CBARP: variants seen among roughly 807,000 people sequenced by gnomAD.
The protein encoded by CBARP is voltage-dependent calcium channel beta subunit-associated regulatory protein.
CBARP carries 24 observed loss-of-function variants against 36.3 expected under a neutral mutation model. The ratio of observed to expected loss-of-function variants is 0.66; its 90% CI spans 0.48 to 0.93. The LOEUF is 0.93. CBARP is among the 40% of genes least tolerant of loss of function. The pLI, the probability that CBARP is intolerant of heterozygous loss-of-function variation, is 0.00. For synonymous variants in CBARP, 586 were observed against 453.2 expected (o/e 1.29, Z -3.72); for missense variants, 1,146 against 980.4 (o/e 1.17, Z -2.26).
rs766845132 is a variant in CBARP, at chr19:1,234,824, C to T, written c.456-82G>A. The T allele has an allele frequency of 1.2e-5, 18 of 1,542,080 alleles. No homozygotes were observed. In the East Asian group the frequency reaches 1.4e-4, roughly 12 times the overall value. On this transcript the variant is annotated intron_variant, in intron 5 of 9. Transcript: ENST00000650044. ...TGCCGTGCTCTGCCATCCACCCTGC[C>T]GGCCTGGGCAGGGGCAGGCGAAAGG...
rs115525561 is a variant in CBARP, at chr19:1,230,387, C to T, written c.1155-245G>A. On this transcript the variant is annotated intron_variant, in intron 9 of 9. Coordinates refer to ENST00000650044, the MANE Select transcript of CBARP (RefSeq NM_001393918.1). ...CATGCTGGACTGCAGACGGCGGGGC[C>T]CCCTCCCTTGGAAGCCCCCAGGAAA... The T allele has an allele frequency of 3.5e-4, 346 of 987,484 alleles. 1 individual carries two copies. The African/African-American group carries it at 5.7e-3, about 16-fold the overall frequency. 61.2% of individuals were successfully genotyped at this position (987,484 alleles called of 1,614,324 possible).
Position 1,235,856 on chromosome 19 carries a change from C to T in CBARP, c.168G>A (p.Val56=). The change falls in exon 3 of 10, where the codon GTG becomes GTA. Residue 56 remains valine, a synonymous_variant. Transcript: ENST00000650044. ...CAGACAACACCACCAGCGTGCCCCC[C>T]ACGAACAGCGACATCACCACCACCA... The part of the protein sequence containing the change: ...VLLVVVMSLF[V]GGTLVVLSGV... 6.2e-7 allele frequency: 1 copy of T among 1,612,088 alleles called. No individual in the cohort carries two copies. Among genetic ancestry groups the T allele is most frequent in the Non-Finnish European group, 8.5e-7 (1 of 1,179,938 alleles).
Position 1,231,104 on chromosome 19 carries a change from C to T in CBARP, c.1151G>A (p.Gly384Asp). The T allele has an allele frequency of 1.3e-6, 2 of 1,597,940 alleles. No individual in the cohort carries two copies. Among genetic ancestry groups the T allele is most frequent in the South Asian group, 1.1e-5 (1 of 89,634 alleles). The change falls in exon 9 of 10, where the codon GGC becomes GAC. Residue 384 changes from glycine (G) to aspartate (D), a missense_variant. By Grantham distance (94) the Gly-to-Asp change is moderately conservative (BLOSUM62 -1). Transcript: ENST00000650044. ...ACCTCCATCTACTGAAAAATACCTG[C>T]CGAGAGCAGGGGGCGGGCTGGCCAG... ...PFLASPPPAL[G>D]RLEAAEAAGG...
chr19:1,235,879 C>T lies in CBARP; in HGVS notation c.145G>A (p.Val49Met), dbSNP rs79529846. ...CCCACGAACAGCGACATCACCACCA[C>T]CAGCAGCACGTAGTTGTCCAGGATG... Reference protein sequence around the residue: ...DPILDNYVLLVVVMSLFVGGT... With the variant: ...DPILDNYVLLMVVMSLFVGGT... The change falls in exon 3 of 10, where the codon GTG becomes ATG. Residue 49 changes from valine (V) to methionine (M), a missense_variant. By Grantham distance (21) the Val-to-Met change is conservative (BLOSUM62 1). Transcript: ENST00000650044. 120 of 1,612,274 alleles carry T rather than the reference C, an allele frequency of 7.4e-5. No individual in the cohort carries two copies. In the South Asian group the frequency reaches 1.2e-3, roughly 17 times the overall value.
At chr19:1,235,257 C>T (rs8109164) in intron 4 of CBARP, 112 bp from the exon 5 acceptor site, 23,870 of 1,219,022 alleles carry the variant, frequency 0.02, 910 homozygotes, top group East Asian at 0.13. Context: ...GGCCGCGGCA[C>T]GGGCGGCCGG....
intron 8 of CBARP, among the ~76,000 whole-genome samples, chr19:1,231,698 A>G (rs1185479008): frequency 1.3e-5 from 2 of 150,408 alleles, no homozygotes; most frequent in Non-Finnish European, 3.0e-5. Flanking sequence ...TCACACACAC[A>G]GGAGTGGGCC....
chr19:1,236,137 C>T lies in CBARP; in HGVS notation c.-21-16G>A, dbSNP rs1029370205. Reference sequence around the variant, plus strand: ...GAGGAGGGCCCTGTGGGGAGGAAGCCTGGTCAGCTCCAGCTAGACCTACTT... The same window carrying T: ...GAGGAGGGCCCTGTGGGGAGGAAGCTTGGTCAGCTCCAGCTAGACCTACTT... On this transcript the variant is annotated splice_polypyrimidine_tract_variant and intron_variant, in intron 1 of 9. Transcript: ENST00000650044. The T allele has an allele frequency of 7.1e-7, 1 of 1,407,968 alleles. No homozygotes were observed. Among genetic ancestry groups the T allele is most frequent in the South Asian group, 1.6e-5 (1 of 64,490 alleles). The allele number at this position is 1,407,968 out of a possible 1,614,324, so 87.2% of individuals were successfully genotyped here. A position where few individuals can be genotyped will look rare whatever the true frequency, so the allele number is the denominator to read the frequency against.
Position 1,231,091 on chromosome 19 carries a change from T to C in CBARP, c.1154+10A>G, listed in dbSNP as rs761359927. The C allele has an allele frequency of 6.3e-7, 1 of 1,592,698 alleles. No individual in the cohort carries two copies. Among genetic ancestry groups the C allele is most frequent in the East Asian group, 2.3e-5 (1 of 44,292 alleles). ...GTCCACCCCTAGCACCTCCATCTAC[T>C]GAAAAATACCTGCCGAGAGCAGGGG... On this transcript the variant is annotated intron_variant, in intron 9 of 9. Coordinates refer to ENST00000650044, the MANE Select transcript of CBARP (RefSeq NM_001393918.1).
At chr19:1,234,839 C>A (rs1299774847) in intron 5 of CBARP, 97 bp from the exon 6 acceptor site, 4 of 1,522,214 alleles carry the variant, frequency 2.6e-6, no homozygotes, top group Non-Finnish European at 3.5e-6. Flanking sequence ...TGGGCAGGGG[C>A]AGGCGAAAGG....
intron 6 of CBARP, 72 bp downstream of exon 6, chr19:1,234,491 GGTGAGGGC>G: frequency 6.8e-7 from 1 of 1,466,818 alleles, no homozygotes; most frequent in Non-Finnish European, 9.0e-7. Flanking sequence ...AAAAAGAGTG[GGTGAGGGC>G]GTGGGGGTCC....
At chr19:1,236,907 C>T (rs2080982824) in intron 1 of CBARP, among the ~76,000 whole-genome samples, 1 of 150,726 alleles carries the variant, frequency 6.6e-6, no homozygotes, top group Middle Eastern at 3.2e-3. Flanking sequence ...TGGCCGCGGC[C>T]GCCTCCCCGC....
At chr19:1,235,949 C>T in intron 2 of CBARP, 31 bp from the exon 3 acceptor site, 1 of 1,593,272 alleles carries the variant, frequency 6.3e-7, no homozygotes. Flanking sequence ...TCAGGTGCTG[C>T]TGGCCTGGAC....
rs2080966581 is a variant in CBARP at position 1,236,020 on chromosome 19, C to T, written c.81G>A (p.Trp27Ter). 1 of 1,545,380 alleles carries T rather than the reference C, an allele frequency of 6.5e-7. No individual in the cohort carries two copies. The highest frequency in any genetic ancestry group is 2.0e-5 in the Admixed American group (1 of 51,262). The change falls in exon 2 of 10, where the codon TGG becomes TGA. Residue 27 changes from tryptophan to a stop codon, truncating the protein, a stop_gained. Transcript: ENST00000650044. LOFTEE classifies it high-confidence loss of function. ...CCGTGGGGCGTCCAGTGGCATTGTC[C>T]CACGACGTCGTCAGGGCTACTGTGG... ...TTATVALTTS[W>*]DNATGRPTAE...
At chr19:1,238,215 C>G (rs1025168229), upstream of CBARP, 1 of 152,198 alleles carries the variant, frequency 6.6e-6, no homozygotes, top group Non-Finnish European at 1.5e-5. Context: ...ATTCACGACT[C>G]TGCAGCCCGA....
At chr19:1,230,188 C>T in intron 9 of CBARP, 46 bp from the exon 10 acceptor site, 1 of 996,022 alleles carries the variant, frequency 1.0e-6, no homozygotes. Flanking sequence ...GCCCCGCGCC[C>T]CCTACCCGGC....
rs763246688 is a variant in CBARP at position 1,234,754 on chromosome 19, T to C, written c.456-12A>G. 6.2e-7 allele frequency: 1 copy of C among 1,610,744 alleles called. No homozygotes were observed. The highest frequency in any genetic ancestry group is 1.7e-5 in the Admixed American group (1 of 59,704). On this transcript the variant is annotated splice_polypyrimidine_tract_variant and intron_variant, in intron 5 of 9. Transcript: ENST00000650044. Reference sequence around the variant, plus strand: ...CCGTCAGTGTGTACCTGCGACAGCATCTGGCCATCAGAGCCCGCCCACCTC... The same window carrying C: ...CCGTCAGTGTGTACCTGCGACAGCACCTGGCCATCAGAGCCCGCCCACCTC...
chr19:1,234,034 C>T (rs913570177), intron 7 of CBARP, among the ~76,000 whole-genome samples, 157 bp downstream of exon 7: 1 of 152,164 alleles, frequency 6.6e-6, no homozygotes, highest in East Asian at 1.9e-4. Context: ...GGTGTGCGGC[C>T]GGCTCCCTCT....
intron 5 of CBARP, 80 bp from the exon 6 acceptor site, chr19:1,234,822 G>A (rs763274739): frequency 3.2e-6 from 5 of 1,542,434 alleles, no homozygotes; most frequent in Non-Finnish European, 4.4e-6. Context: ...CATCCACCCT[G>A]CCGGCCTGGG....
intron 3 of CBARP, 64 bp downstream of exon 3, chr19:1,235,715 C>T: frequency 1.2e-6 from 2 of 1,604,162 alleles, no homozygotes; most frequent in Non-Finnish European, 8.5e-7. Flanking sequence ...GAGGTAGACC[C>T]CCCACCACCC....
Sources: gnomAD v4.1 joint callset for allele counts (sites outside exome capture counted in the v4.1 genomes callset) on GRCh38, gnomAD v4.1.1 for gene constraint, MANE v1.5 for transcripts, NCBI Gene and HGNC (gene_info 2026-07-23, HGNC 2026-07-21) for gene names.